The following MEI4 variants were observed in gnomAD, a reference collection of about 807,000 sequenced individuals.
MEI4 encodes meiosis-specific protein MEI4.
MEI4 carries 27 observed loss-of-function variants against 31.4 expected under a neutral mutation model. The ratio of observed to expected loss-of-function variants is 0.86; its 90% CI spans 0.63 to 1.19. The LOEUF is 1.19. MEI4 is among the 50% of genes most tolerant of loss of function. The pLI, the probability that MEI4 is intolerant of heterozygous loss-of-function variation, is 0.00. For synonymous variants in MEI4, 122 were observed against 145.4 expected (o/e 0.84, Z 1.16); for missense variants, 329 against 398.9 (o/e 0.82, Z 1.49).
chr6:77,797,992 A>C (rs1301936298), intron 3 of MEI4, among the ~76,000 whole-genome samples: 1 of 152,178 alleles, frequency 6.6e-6, no homozygotes, highest in African/African-American at 2.4e-5. Context: ...GTATGTTCGA[A>C]TGACTACATT....
intron 2 of MEI4, among the ~76,000 whole-genome samples, chr6:77,749,892 A>G (rs1206327499): frequency 1.3e-5 from 2 of 152,196 alleles, no homozygotes; most frequent in Admixed American, 6.5e-5. Flanking sequence ...ACCCACAAAC[A>G]GAAGCCCACC....
Position 77,696,838 on chromosome 6 carries a change from T to A in MEI4, c.232+5935T>A, listed in dbSNP as rs554603560. Among the ~76,000 whole-genome samples the A allele has an allele frequency of 2.2e-3, 335 of 152,332 alleles. 3 individuals carry two copies. The highest frequency in any genetic ancestry group is 0.02 in the South Asian group (96 of 4,824). On this transcript the variant is annotated intron_variant, in intron 2 of 4. Transcript: ENST00000684080. ...TTGATTGGAATAGTTTCAGAAGGAA[T>A]GGTACCAGCTCCTCCTAGTACCTCT...
chr6:77,861,315 C>T (rs559445879), intron 4 of MEI4, among the ~76,000 whole-genome samples: 1 of 152,338 alleles, frequency 6.6e-6, no homozygotes, highest in South Asian at 2.1e-4. Context: ...TAATATCTAT[C>T]TCTAAAAGCT....
At chr6:77,662,024 G>A (rs558539485) in intron 1 of MEI4, among the ~76,000 whole-genome samples, 1 of 152,298 alleles carries the variant, frequency 6.6e-6, no homozygotes, top group African/African-American at 2.4e-5. Context: ...TATTGAAGAG[G>A]CATTAATGAT....
intron 4 of MEI4, among the ~76,000 whole-genome samples, chr6:77,870,652 CTG>C (rs2127725165): frequency 6.6e-6 from 1 of 152,220 alleles, no homozygotes; most frequent in South Asian, 2.1e-4. Flanking sequence ...GCCATTCAAA[CTG>C]TTTACAAACA....
chr6:77,800,688 A>AT (rs1348540521), intron 3 of MEI4, among the ~76,000 whole-genome samples: 1 of 151,510 alleles, frequency 6.6e-6, no homozygotes, highest in Non-Finnish European at 1.5e-5. Context: ...TTTAGTCAGA[A>AT]TTTTTAGCAT....
chr6:77,669,159 A>T (rs917972511), intron 1 of MEI4, among the ~76,000 whole-genome samples: 4 of 152,186 alleles, frequency 2.6e-5, no homozygotes, highest in African/African-American at 9.6e-5. Flanking sequence ...ATTTATTAAG[A>T]TTTAAATAAA....
intron 2 of MEI4, among the ~76,000 whole-genome samples, chr6:77,750,813 T>A (rs6911444): frequency 0.023 from 3,449 of 152,220 alleles, 132 homozygotes; most frequent in African/African-American, 0.078. Context: ...ATCAACAGAA[T>A]ATATATTCTT....
chr6:77,888,870 G>A (rs1403730970), intron 4 of MEI4, among the ~76,000 whole-genome samples: 4 of 152,078 alleles, frequency 2.6e-5, no homozygotes, highest in African/African-American at 7.2e-5. Flanking sequence ...TGCTGTTCTC[G>A]TGATAGTCAG....
intron 3 of MEI4, among the ~76,000 whole-genome samples, chr6:77,825,986 C>T (rs1423698259): frequency 6.6e-6 from 1 of 152,118 alleles, no homozygotes; most frequent in Admixed American, 6.6e-5. Flanking sequence ...CATATATTGG[C>T]CATTGGCTGG....
chr6:77,845,318 T>G (rs1770456158), intron 4 of MEI4, among the ~76,000 whole-genome samples: 1 of 152,174 alleles, frequency 6.6e-6, no homozygotes, highest in Non-Finnish European at 1.5e-5. Flanking sequence ...ATAATCCTTA[T>G]TTTTCAGAGA....
Position 77,790,203 on chromosome 6 carries a change from G to A in MEI4, c.768+28538G>A, listed in dbSNP as rs188983379. Among the ~76,000 whole-genome samples the A allele has an allele frequency of 1.6e-3, 237 of 143,712 alleles. 2 individuals carry two copies. Among genetic ancestry groups the A allele is most frequent in the African/African-American group, 5.7e-3 (224 of 39,192 alleles). 94.3% of individuals were successfully genotyped at this position (143,712 alleles called of 152,430 possible). ...TCACTCACAGGTGGGAATTAAACAC[G>A]AGAACACATGGACACGGCAAGTGGA... On this transcript the variant is annotated intron_variant, in intron 3 of 4. Transcript: ENST00000684080.
chr6:77,764,184 C>T (rs751898337), intron 3 of MEI4, among the ~76,000 whole-genome samples: 6 of 152,026 alleles, frequency 3.9e-5, no homozygotes, highest in South Asian at 4.2e-4. Context: ...CTGTTTCTTT[C>T]GATTCAGTTT....
intron 3 of MEI4, among the ~76,000 whole-genome samples, chr6:77,771,288 A>G (rs1768310133): frequency 6.6e-6 from 1 of 152,140 alleles, no homozygotes; most frequent in African/African-American, 2.4e-5. Context: ...TCAGAAAAAA[A>G]CAGATGCTGG....
At chr6:77,762,133 G>C (rs1437006110) in intron 3 of MEI4, among the ~76,000 whole-genome samples, 4 of 152,168 alleles carry the variant, frequency 2.6e-5, no homozygotes, top group African/African-American at 9.6e-5. Context: ...CCTTGGGGTT[G>C]AAGAATATTT....
At chr6:77,867,905 A>G (rs1463156852) in intron 4 of MEI4, among the ~76,000 whole-genome samples, 2 of 152,218 alleles carry the variant, frequency 1.3e-5, no homozygotes, top group East Asian at 3.9e-4. Flanking sequence ...TGATGAGTTC[A>G]TGTCCTTTTT....
chr6:77,787,796 T>G (rs1011797125), intron 3 of MEI4, among the ~76,000 whole-genome samples: 1 of 152,130 alleles, frequency 6.6e-6, no homozygotes, highest in Non-Finnish European at 1.5e-5. Context: ...AGCACAGATA[T>G]ATAACCACAT....
At chr6:77,921,916 A>T (rs1449055612) in intron 4 of MEI4, among the ~76,000 whole-genome samples, 1 of 151,778 alleles carries the variant, frequency 6.6e-6, no homozygotes, top group Non-Finnish European at 1.5e-5. Context: ...ACTGTAACAG[A>T]TAAAGTAACA....
chr6:77,870,103 G>A (rs1344606438), intron 4 of MEI4, among the ~76,000 whole-genome samples: 1 of 152,096 alleles, frequency 6.6e-6, no homozygotes, highest in Non-Finnish European at 1.5e-5. Context: ...TCCCCAACTT[G>A]CAACAATTCA....
Sources: gnomAD v4.1 joint callset for allele counts (sites outside exome capture counted in the v4.1 genomes callset) on GRCh38, gnomAD v4.1.1 for gene constraint, MANE v1.5 for transcripts, NCBI Gene and HGNC (gene_info 2026-07-23, HGNC 2026-07-21) for gene names.